Variants in KLHL26 observed in about 807,000 individuals in gnomAD.
The protein encoded by KLHL26 is kelch like family member 26.
Under a neutral mutation model 7.1 loss-of-function variants are expected in KLHL26, and 4 were observed. The ratio of observed to expected loss-of-function variants is 0.56; its 90% CI spans 0.28 to 1.28. The LOEUF is 1.28. Ranked by LOEUF, KLHL26 falls within the 50% of genes most tolerant of loss-of-function variation. The pLI, the probability that KLHL26 is intolerant of heterozygous loss-of-function variation, is 0.11. For missense variants in KLHL26, 896 were observed against 924.6 expected (o/e 0.97, Z 0.40); for synonymous variants, 465 against 414.1 (o/e 1.12, Z -1.49).
At chr19:18,645,052 C>T (rs904129424) in intron 1 of KLHL26, among the ~76,000 whole-genome samples, 2 of 152,258 alleles carry the variant, frequency 1.3e-5, no homozygotes, top group Non-Finnish European at 2.9e-5. Context: ...ACAAAAAACC[C>T]GTTGCCTAGT....
At chr19:18,639,381 A>G (rs1445101432) in intron 1 of KLHL26, among the ~76,000 whole-genome samples, 1 of 114,902 alleles carries the variant, frequency 8.7e-6, no homozygotes, top group African/African-American at 3.3e-5. Flanking sequence ...CAGCCAATTC[A>G]CTCATTTTAA....
At chr19:18,663,606 G>A (rs933100767) in intron 1 of KLHL26, among the ~76,000 whole-genome samples, 3 of 152,194 alleles carry the variant, frequency 2.0e-5, no homozygotes, top group African/African-American at 7.2e-5. Flanking sequence ...GCCTCAGCCC[G>A]GTGGGGGTGG....
At chr19:18,640,551 A>ATTTTTTTT (rs56247740) in intron 1 of KLHL26, among the ~76,000 whole-genome samples, 10 of 96,650 alleles carry the variant, frequency 1.0e-4, no homozygotes, top group East Asian at 2.8e-4. Flanking sequence ...CTATGTTTTA[A>ATTTTTTTT]TTTTTTTTTT....
At chr19:18,639,882 T>C (rs542660649) in intron 1 of KLHL26, among the ~76,000 whole-genome samples, 4 of 152,220 alleles carry the variant, frequency 2.6e-5, no homozygotes. Context: ...CTCTGTAGCT[T>C]TGCCTTTTCT....
chr19:18,642,341 G>A (rs191516701), intron 1 of KLHL26, among the ~76,000 whole-genome samples: 3 of 126,804 alleles, frequency 2.4e-5, no homozygotes, highest in African/African-American at 8.6e-5. Context: ...GTCACCTAGT[G>A]TGTGTGTGTG....
intron 1 of KLHL26, among the ~76,000 whole-genome samples, chr19:18,654,227 C>T (rs1199231905): frequency 7.2e-6 from 1 of 138,686 alleles, no homozygotes; most frequent in African/African-American, 2.7e-5. Context: ...TCCATCTGCC[C>T]TTCCATCCAC....
chr19:18,641,490 T>A (rs1410950624), intron 1 of KLHL26, among the ~76,000 whole-genome samples: 1 of 151,446 alleles, frequency 6.6e-6, no homozygotes, highest in Non-Finnish European at 1.5e-5. Context: ...GGCTAATTTT[T>A]GTATTTTTAG....
At chr19:18,660,766 G>A (rs1057477018) in intron 1 of KLHL26, among the ~76,000 whole-genome samples, 3 of 152,206 alleles carry the variant, frequency 2.0e-5, no homozygotes, top group Admixed American at 6.5e-5. Context: ...TCACAGGGGC[G>A]GCAGTGAGGG....
At chr19:18,637,579 C>T (rs1025881999) in intron 1 of KLHL26, among the ~76,000 whole-genome samples, 9 of 151,714 alleles carry the variant, frequency 5.9e-5, no homozygotes, top group Non-Finnish European at 1.5e-5. Context: ...GCTGAAGGGC[C>T]CCAAGGTGGC....
chr19:18,639,403 G>GTTTTCTTTTTTTT (rs754775329), intron 1 of KLHL26, among the ~76,000 whole-genome samples: 1 of 71,188 alleles, frequency 1.4e-5, no homozygotes, highest in Admixed American at 1.7e-4. Flanking sequence ...TTATCATTAA[G>GTTTTCTTTTTTTT]TTTTTTTTTT....
chr19:18,638,161 G>C (rs1021435462), intron 1 of KLHL26, among the ~76,000 whole-genome samples: 93 of 152,310 alleles, frequency 6.1e-4, no homozygotes, highest in Non-Finnish European at 2.2e-4. Flanking sequence ...TTTTCTTGCT[G>C]GTGAGCTTCC....
intron 1 of KLHL26, among the ~76,000 whole-genome samples, chr19:18,661,033 G>A (rs73533815): frequency 0.012 from 1,805 of 152,276 alleles, 45 homozygotes; most frequent in African/African-American, 0.04. Flanking sequence ...TAGTCGTCAC[G>A]TGCTAGTGGC....
Position 18,671,495 on chromosome 19 carries a change from CAG to C in KLHL26, c.*2252_*2253del, listed in dbSNP as rs2052524405. The C allele has an allele frequency of 6.6e-6, 1 of 152,290 alleles. No homozygotes were observed. 9.4% of individuals were successfully genotyped at this position (152,290 alleles called of 1,614,324 possible). ...AAGTCCCCTGGATCAGCTCACACCTCAGAACATCTTGTCCCCAGTGAGCTGGC... is the reference window on the plus strand; with the variant it reads ...AAGTCCCCTGGATCAGCTCACACCTCAACATCTTGTCCCCAGTGAGCTGGC... On this transcript the variant is annotated 3_prime_UTR_variant, in exon 3 of 3. Coordinates refer to ENST00000300976, the MANE Select transcript of KLHL26 (RefSeq NM_018316.3).
rs148560244 is a variant in KLHL26, at chr19:18,668,371, C to T, written c.974C>T (p.Ser325Leu). Residue 325 changes from serine (S) to leucine (L), a missense_variant, in exon 3 of 3, where the codon TCG becomes TTG. Coordinates refer to ENST00000300976, the MANE Select transcript of KLHL26 (RefSeq NM_018316.3). ...GGTPYTDSDR[S>L]VSSKVYQLPE... ...ACGCCCTACACCGACAGCGACCGCT[C>T]GGTCAGCAGCAAGGTCTACCAGCTG... 8.4e-5 allele frequency: 135 copies of T among 1,607,558 alleles called. No individual in the cohort carries two copies. In the African/African-American group the frequency reaches 1.2e-3, roughly 14 times the overall value.
chr19:18,643,889 C>T (rs752168134), intron 1 of KLHL26, among the ~76,000 whole-genome samples: 4 of 152,134 alleles, frequency 2.6e-5, no homozygotes, highest in Non-Finnish European at 5.9e-5. Flanking sequence ...CCACTATGCC[C>T]AACCTGTATT....
chr19:18,637,162 C>A (rs1363434753), intron 1 of KLHL26, 25 bp downstream of exon 1: 3 of 1,299,288 alleles, frequency 2.3e-6, no homozygotes, highest in Non-Finnish European at 2.9e-6. Context: ...GCAGGATAGA[C>A]CTGCACCTGT....
chr19:18,642,100 A>G (rs1015985424), intron 1 of KLHL26, among the ~76,000 whole-genome samples: 13 of 152,294 alleles, frequency 8.5e-5, no homozygotes, highest in Non-Finnish European at 1.2e-4. Flanking sequence ...GGAGATTGGT[A>G]CAAGACATTC....
chr19:18,649,844 T>C lies in KLHL26; in HGVS notation c.83+12707T>C, dbSNP rs1976872378. Among the ~76,000 whole-genome samples the C allele has an allele frequency of 6.6e-6, 1 of 152,184 alleles. No individual in the cohort carries two copies. The highest frequency in any genetic ancestry group is 2.4e-5 in the African/African-American group (1 of 41,442). On this transcript the variant is annotated intron_variant, in intron 1 of 2. Transcript: ENST00000300976. This position sits in a 1 kb window ranked among gnomAD's most constrained non-coding sequence, Gnocchi z 4.0. Reference sequence around the variant, plus strand: ...CGTCTCCAACGGCTGCGCCAGCAATTCCCTAGCATTCCTCCTCTGCAGAGT... The same window carrying C: ...CGTCTCCAACGGCTGCGCCAGCAATCCCCTAGCATTCCTCCTCTGCAGAGT...
intron 2 of KLHL26, among the ~76,000 whole-genome samples, chr19:18,665,603 G>C (rs921361356): frequency 7.9e-5 from 12 of 152,344 alleles, no homozygotes; most frequent in African/African-American, 2.4e-4. Flanking sequence ...TGAGCTGTGG[G>C]CACTTCCCCA....
Sources: allele counts gnomAD v4.1 joint callset (sites outside exome capture counted in the v4.1 genomes callset), GRCh38; gene constraint gnomAD v4.1.1; non-coding constraint Gnocchi (gnomAD v3.1); transcripts MANE v1.5; gene names NCBI Gene and HGNC (gene_info 2026-07-23, HGNC 2026-07-21).